Variants in CCDC190 observed in about 807,000 individuals in gnomAD.
CCDC190 encodes the protein coiled-coil domain-containing protein 190.
CCDC190 carries 10 observed loss-of-function variants against 13.1 expected under a neutral mutation model. The ratio of observed to expected loss-of-function variants is 0.77; its 90% CI spans 0.47 to 1.30. The LOEUF is 1.30. CCDC190 is among the 50% of genes most tolerant of loss of function. The pLI is 0.00. For synonymous variants in CCDC190, 136 were observed against 127.2 expected, an observed-to-expected ratio of 1.07 and a Z score of -0.47; for missense variants, 375 against 354.3, an observed-to-expected ratio of 1.06 and a Z score of -0.47.
chr1:162,857,447 A>G (rs531805361), intron 2 of CCDC190, among the ~76,000 whole-genome samples: 1 of 152,274 alleles, frequency 6.6e-6, no homozygotes, highest in South Asian at 2.1e-4. Context: ...GACATTGGCT[A>G]TTTTGTGTTG....
In CCDC190 at chr1:162,851,644, T is replaced by C. The variant is rs1650112381; in HGVS notation, c.*3121A>G. The C allele has an allele frequency of 1.3e-5, 2 of 152,186 alleles. No individual in the cohort carries two copies. The highest frequency in any genetic ancestry group is 4.8e-5 in the African/African-American group (2 of 41,426). The allele number at this position is 152,186 out of a possible 1,614,324, so 9.4% of individuals were successfully genotyped here. A position where few individuals can be genotyped will look rare whatever the true frequency, so the allele number is the denominator to read the frequency against. ...GCCTGTAGGTGAAAAATGGAATCTT[T>C]TCCCATTGAATGAGTTAAGGCAACA... On this transcript the variant is annotated 3_prime_UTR_variant, in exon 4 of 4. Coordinates refer to ENST00000367912, the MANE Select transcript of CCDC190 (RefSeq NM_001394065.1).
Position 162,855,332 on chromosome 1 carries a change from G to A in CCDC190, c.339C>T (p.Asp113=). 2 of 1,610,206 alleles carry A rather than the reference G, an allele frequency of 1.2e-6. No homozygotes were observed. The highest frequency in any genetic ancestry group is 1.7e-6 in the Non-Finnish European group (2 of 1,179,342). ...MRALATRMAQ[D]TCKSKSQVPP... is the part of the protein sequence containing the mutation. ...GCACCTGGGACTTGCTTTTGCATGT[G>A]TCTTGGGCCATACGGGTTGCCAATG... The change falls in exon 4 of 4, where the codon GAC becomes GAT. Residue 113 remains aspartate (D), a synonymous_variant. Transcript: ENST00000367912.
chr1:162,857,010 T>C (rs958252252), intron 2 of CCDC190, among the ~76,000 whole-genome samples: 6 of 152,204 alleles, frequency 3.9e-5, no homozygotes, highest in African/African-American at 1.4e-4. Flanking sequence ...TTGATGTTTC[T>C]CCAATGTTCT....
In CCDC190 at chr1:162,851,085, T is replaced by C. The variant is rs552470669; in HGVS notation, c.*3680A>G. On this transcript the variant is annotated 3_prime_UTR_variant, in exon 4 of 4. Transcript: ENST00000367912. ...ACTGCATTTAGGTTATTATTGTTTA[T>C]GGTTCTCATCCAGTTTAAAGTCTTT... Among the ~76,000 whole-genome samples the C allele has an allele frequency of 6.6e-6, 1 of 152,320 alleles. No homozygotes were observed. Among genetic ancestry groups the C allele is most frequent in the South Asian group, 2.1e-4 (1 of 4,822 alleles).
intron 2 of CCDC190, among the ~76,000 whole-genome samples, chr1:162,858,128 T>C (rs1274271949): frequency 1.3e-5 from 2 of 152,230 alleles, no homozygotes; most frequent in East Asian, 3.8e-4. Flanking sequence ...TTCCTTCCTG[T>C]ATCCCTGATT....
At chr1:162,859,711 T>C in intron 1 of CCDC190, 53 bp from the exon 2 acceptor site, 2 of 1,432,822 alleles carry the variant, frequency 1.4e-6, no homozygotes, top group East Asian at 2.4e-5. Flanking sequence ...ACTGGGATAC[T>C]GACCCCGGCT....
Position 162,855,939 on chromosome 1 carries a change from A to G in CCDC190, c.188-184T>C, listed in dbSNP as rs1437795355. On this transcript the variant is annotated intron_variant, in intron 2 of 3. Transcript: ENST00000367912. ...AATCCTATATTACCGGTGTCCTTATAAGGAAAGGAACTTAGAACACACAGA... is the reference window on the plus strand; with the variant it reads ...AATCCTATATTACCGGTGTCCTTATGAGGAAAGGAACTTAGAACACACAGA... 1.6e-5 allele frequency: 8 copies of G among 500,222 alleles called. No individual in the cohort carries two copies. In the East Asian group the frequency reaches 2.9e-4, roughly 18 times the overall value. 31.0% of individuals were successfully genotyped at this position (500,222 alleles called of 1,614,324 possible).
At chr1:162,858,344 A>G (rs953020528) in intron 2 of CCDC190, among the ~76,000 whole-genome samples, 1 of 152,228 alleles carries the variant, frequency 6.6e-6, no homozygotes, top group African/African-American at 2.4e-5. Context: ...TCCTTTTTGA[A>G]TAAGAGTGGG....
rs1220465595 is a variant in CCDC190, at chr1:162,851,121, C to A, written c.*3644G>T. Among the ~76,000 whole-genome samples, 1 of 152,076 alleles carries A rather than the reference C, an allele frequency of 6.6e-6. No homozygotes were observed. The highest frequency in any genetic ancestry group is 6.5e-5 in the Admixed American group (1 of 15,272). The stretch of plus-strand genomic sequence containing the variant: ...CAGTTTAAAGTCTTTCTTCTCCACC[C>A]GTGGAACTTCTGTTCTACTGCAGTG... On this transcript the variant is annotated 3_prime_UTR_variant, in exon 4 of 4. Transcript: ENST00000367912.
chr1:162,861,391 T>C (rs1035663087), upstream of CCDC190, among the ~76,000 whole-genome samples: 3 of 152,098 alleles, frequency 2.0e-5, no homozygotes, highest in Admixed American at 6.5e-5. Context: ...AGTGTGTAAC[T>C]GTGTTCTCAA....
rs548964015 is a variant in CCDC190, at chr1:162,854,200, G to A, written c.*565C>T. 3.1e-6 allele frequency: 3 copies of A among 983,210 alleles called. No homozygotes were observed. The highest frequency in any genetic ancestry group is 3.6e-6 in the Non-Finnish European group (3 of 827,946). 60.9% of individuals were successfully genotyped at this position (983,210 alleles called of 1,614,324 possible). A position where few individuals can be genotyped will look rare whatever the true frequency, so the allele number is the denominator to read the frequency against. On this transcript the variant is annotated 3_prime_UTR_variant, in exon 4 of 4. Coordinates refer to ENST00000367912, the MANE Select transcript of CCDC190 (RefSeq NM_001394065.1). ...TCTTTCAATAGGATTCAAAAAATTT[G>A]ATATGAGCAGGTTGAAAGTGGGAGG...
At chr1:162,864,027 A>AAG (rs1650616796), upstream of CCDC190, among the ~76,000 whole-genome samples, 1 of 151,304 alleles carries the variant, frequency 6.6e-6, no homozygotes, top group Non-Finnish European at 1.5e-5. Context: ...AAAAAAAAAT[A>AAG]TCAATGAATC....
At chr1:162,861,401 ATC>A (rs956335736), upstream of CCDC190, among the ~76,000 whole-genome samples, 42 of 151,090 alleles carry the variant, frequency 2.8e-4, no homozygotes, top group Non-Finnish European at 4.6e-4. Context: ...TGTGTTCTCA[ATC>A]TCTCTCTCTC....
intron 1 of CCDC190, among the ~76,000 whole-genome samples, chr1:162,866,444 CA>C (rs1650710595): frequency 1.3e-5 from 2 of 149,456 alleles, no homozygotes; most frequent in Admixed American, 1.3e-4. Flanking sequence ...AAACAAAAAA[CA>C]AAAAACCCTA....
chr1:162,856,255 A>G (rs1215439107), intron 2 of CCDC190, among the ~76,000 whole-genome samples: 1 of 152,202 alleles, frequency 6.6e-6, no homozygotes. Flanking sequence ...ACCTTGGTGT[A>G]TATTACACAT....
At chr1:162,864,103 A>AT (rs1299346159), upstream of CCDC190, among the ~76,000 whole-genome samples, 2 of 152,156 alleles carry the variant, frequency 1.3e-5, no homozygotes, top group Non-Finnish European at 2.9e-5. Context: ...TTAAAAAGTA[A>AT]TAAAGAGATA....
chr1:162,855,447 T>C, intron 3 of CCDC190, 88 bp from the exon 4 acceptor site: 1 of 1,484,136 alleles, frequency 6.7e-7, no homozygotes, highest in Non-Finnish European at 9.0e-7. Flanking sequence ...GTGGCCCCCT[T>C]CAGTATCGGC....
At chr1:162,859,372 G>T in intron 2 of CCDC190, 88 bp downstream of exon 2, 1 of 1,220,158 alleles carries the variant, frequency 8.2e-7, no homozygotes, top group Non-Finnish European at 1.1e-6. Context: ...TTGGCACTCA[G>T]AGCTCTGAAA....
At chr1:162,862,370 G>A (rs1650551721), upstream of CCDC190, among the ~76,000 whole-genome samples, 1 of 152,176 alleles carries the variant, frequency 6.6e-6, no homozygotes, top group Admixed American at 6.5e-5. Flanking sequence ...GGTGGCCAAA[G>A]CCATCCTAGT....
Sources: gnomAD v4.1 joint callset for allele counts (sites outside exome capture counted in the v4.1 genomes callset) on GRCh38, gnomAD v4.1.1 for gene constraint, MANE v1.5 for transcripts, NCBI Gene and HGNC (gene_info 2026-07-23, HGNC 2026-07-21) for gene names.